ADGB: variants seen among roughly 807,000 people sequenced by gnomAD.
ADGB encodes the protein androglobin.
A neutral mutation model predicts 210.5 loss-of-function variants in ADGB; 172 were observed. That is an observed-to-expected ratio of 0.82 (90% CI 0.72 to 0.93). The LOEUF is 0.93. Among genes scored for constraint, ADGB ranks in the 40% least tolerant of loss-of-function variants. The pLI is 0.00. For missense variants in ADGB, 2,025 were observed against 1,964.8 expected, an observed-to-expected ratio of 1.03 and a Z score of -0.58; for synonymous variants, 658 against 662.7, an observed-to-expected ratio of 0.99 and a Z score of 0.11.
intron 16 of ADGB, among the ~76,000 whole-genome samples, chr6:146,717,812 G>C (rs188275774): frequency 6.6e-6 from 1 of 152,162 alleles, no homozygotes; most frequent in East Asian, 1.9e-4. Context: ...TGACTATGTT[G>C]AATCCTGGCC....
At chr6:146,712,752 T>C (rs978310019) in intron 13 of ADGB, among the ~76,000 whole-genome samples, 1 of 152,212 alleles carries the variant, frequency 6.6e-6, no homozygotes, top group Non-Finnish European at 1.5e-5. Context: ...TAAAACTGTT[T>C]AGTTGTAGTG....
chr6:146,755,796 C>T (rs1057286903), intron 27 of ADGB, among the ~76,000 whole-genome samples: 1 of 151,822 alleles, frequency 6.6e-6, no homozygotes, highest in African/African-American at 2.4e-5. Flanking sequence ...TCTAGTTGAC[C>T]TTTGCAAAGC....
chr6:146,696,851 A>AT (rs1335185704), intron 12 of ADGB, among the ~76,000 whole-genome samples: 1 of 151,934 alleles, frequency 6.6e-6, no homozygotes, highest in African/African-American at 2.4e-5. Context: ...AAGTACTCTA[A>AT]TTTTTTTTCT....
chr6:146,735,824 G>T (rs1777071361), intron 22 of ADGB, among the ~76,000 whole-genome samples: 1 of 152,068 alleles, frequency 6.6e-6, no homozygotes, highest in African/African-American at 2.4e-5. Context: ...ACTCTTGATT[G>T]CATGGCAATG....
intron 29 of ADGB, among the ~76,000 whole-genome samples, chr6:146,772,633 A>G (rs924268329): frequency 9.5e-5 from 14 of 147,530 alleles, no homozygotes; most frequent in Non-Finnish European, 1.5e-5. Context: ...TTATATTTAT[A>G]TCATATGAAA....
At chr6:146,704,378 C>T (rs771883122) in intron 13 of ADGB, among the ~76,000 whole-genome samples, 35 of 151,824 alleles carry the variant, frequency 2.3e-4, no homozygotes, top group Non-Finnish European at 4.4e-4. Flanking sequence ...AAACTTGTTG[C>T]CCAGGCCAAG....
At chr6:146,683,080 T>C (rs73589832) in intron 9 of ADGB, among the ~76,000 whole-genome samples, 4,831 of 152,002 alleles carry the variant, frequency 0.032, 231 homozygotes, top group African/African-American at 0.11. Flanking sequence ...AAAGGGTGAG[T>C]TTGGCTATGG....
intron 33 of ADGB, among the ~76,000 whole-genome samples, chr6:146,795,305 T>C (rs1399332166): frequency 6.6e-6 from 1 of 152,022 alleles, no homozygotes; most frequent in Non-Finnish European, 1.5e-5. Context: ...AATTAACAAG[T>C]AGAATCTTAT....
chr6:146,807,308 A>G (rs555101442), intron 35 of ADGB: 79 of 1,312,712 alleles, frequency 6.0e-5, no homozygotes, highest in South Asian at 2.2e-4. Context: ...ATGTGTGGGC[A>G]TAAGGACAGG....
chr6:146,732,971 G>A (rs756891822), intron 20 of ADGB, 149 bp from the exon 21 acceptor site: 48 of 549,800 alleles, frequency 8.7e-5, no homozygotes, highest in Non-Finnish European at 1.2e-4. Flanking sequence ...TACTGGGCAG[G>A]TGAGACTTCA....
At chr6:146,684,832 T>C (rs1776200708) in intron 9 of ADGB, among the ~76,000 whole-genome samples, 1 of 151,978 alleles carries the variant, frequency 6.6e-6, no homozygotes, top group African/African-American at 2.4e-5. Flanking sequence ...ATGAGTAATG[T>C]AGGGAAAAGG....
chr6:146,788,055 TC>T (rs1777902970), intron 32 of ADGB, among the ~76,000 whole-genome samples: 2 of 152,176 alleles, frequency 1.3e-5, no homozygotes, highest in Non-Finnish European at 1.5e-5. Context: ...TGAAGCATTG[TC>T]AGCATAGGGC....
intron 28 of ADGB, among the ~76,000 whole-genome samples, chr6:146,765,905 G>T (rs181334571): frequency 1.3e-5 from 2 of 151,710 alleles, no homozygotes; most frequent in Admixed American, 1.3e-4. Context: ...ATGAAATGTG[G>T]AATAAAAAAT....
At chr6:146,696,090 T>G (rs959426321) in intron 12 of ADGB, among the ~76,000 whole-genome samples, 3 of 152,202 alleles carry the variant, frequency 2.0e-5, no homozygotes, top group African/African-American at 7.2e-5. Context: ...TTTTTTTTTT[T>G]TCCCGAGATG....
At chr6:146,626,491 A>G (rs1780973558) in intron 1 of ADGB, among the ~76,000 whole-genome samples, 1 of 151,894 alleles carries the variant, frequency 6.6e-6, no homozygotes, top group Non-Finnish European at 1.5e-5. Context: ...TGTCAGACAA[A>G]AAGCACTTAT....
At chr6:146,729,778 C>G (rs573410343) in intron 20 of ADGB, among the ~76,000 whole-genome samples, 38 of 152,250 alleles carry the variant, frequency 2.5e-4, no homozygotes, top group African/African-American at 8.9e-4. Flanking sequence ...TTTAATATTA[C>G]CTGTATATGT....
chr6:146,794,626 T>C (rs1778012713), intron 33 of ADGB, among the ~76,000 whole-genome samples: 1 of 151,870 alleles, frequency 6.6e-6, no homozygotes, highest in Non-Finnish European at 1.5e-5. Flanking sequence ...CAAAATTAAA[T>C]AGTTAAGGAA....
At chr6:146,654,924 A>G (rs1420087064) in intron 4 of ADGB, among the ~76,000 whole-genome samples, 1 of 152,112 alleles carries the variant, frequency 6.6e-6, no homozygotes, top group Non-Finnish European at 1.5e-5. Flanking sequence ...TATCTTTCAG[A>G]AGTAAAACTT....
intron 1 of ADGB, among the ~76,000 whole-genome samples, chr6:146,604,609 G>T (rs1207392350): frequency 6.6e-6 from 1 of 152,048 alleles, no homozygotes; most frequent in African/African-American, 2.4e-5. Flanking sequence ...AACTTTCCCA[G>T]AGGATAGCTT....
Sources: gnomAD v4.1 joint callset for allele counts (sites outside exome capture counted in the v4.1 genomes callset) on GRCh38, gnomAD v4.1.1 for gene constraint, MANE v1.5 for transcripts, NCBI Gene and HGNC (gene_info 2026-07-23, HGNC 2026-07-21) for gene names.